The following LSAMP variants were observed in gnomAD, a reference collection of about 807,000 sequenced individuals.
The protein encoded by LSAMP is limbic system-associated membrane protein.
Under a neutral mutation model 38.6 loss-of-function variants are expected in LSAMP, and 7 were observed. The ratio of observed to expected loss-of-function variants is 0.18; its 90% CI spans 0.10 to 0.34. The LOEUF (loss-of-function observed/expected upper bound fraction) is 0.34. Among genes scored for constraint, LSAMP ranks in the 10% least tolerant of loss-of-function variants. LSAMP has a pLI of 1.00. For missense variants in LSAMP, 313 were observed against 420.0 expected, an observed-to-expected ratio of 0.75 and a Z score of 2.23; for synonymous variants, 154 against 166.8, an observed-to-expected ratio of 0.92 and a Z score of 0.59.
At chr3:116,152,455 G>A (rs1709634382) in intron 1 of LSAMP, among the ~76,000 whole-genome samples, 1 of 152,116 alleles carries the variant, frequency 6.6e-6, no homozygotes, top group Non-Finnish European at 1.5e-5. Flanking sequence ...TTCACTGCCT[G>A]TACTGTTAAT....
intron 1 of LSAMP, among the ~76,000 whole-genome samples, chr3:116,197,128 C>CGG (rs927846878): frequency 3.1e-5 from 4 of 130,026 alleles, no homozygotes; most frequent in African/African-American, 1.1e-4. Flanking sequence ...GTATCCCACT[C>CGG]GGACACACAC....
chr3:115,924,259 T>C (rs1226621664), intron 3 of LSAMP, among the ~76,000 whole-genome samples: 2 of 152,332 alleles, frequency 1.3e-5, no homozygotes, highest in South Asian at 2.1e-4. Flanking sequence ...CTAATTACCT[T>C]AGGCCTCTTC....
At chr3:116,388,441 T>C (rs576498065) in intron 1 of LSAMP, among the ~76,000 whole-genome samples, 1 of 152,170 alleles carries the variant, frequency 6.6e-6, no homozygotes, top group Non-Finnish European at 1.5e-5. Flanking sequence ...TACTCTGGAA[T>C]TGACTGGATC....
At chr3:115,938,447 C>T (rs866572549) in intron 3 of LSAMP, among the ~76,000 whole-genome samples, 2 of 152,072 alleles carry the variant, frequency 1.3e-5, no homozygotes, top group South Asian at 2.1e-4. Flanking sequence ...ATGAGTATCA[C>T]CTAAAGTATT....
chr3:116,382,473 G>A (rs890203887), intron 1 of LSAMP, among the ~76,000 whole-genome samples: 15 of 141,650 alleles, frequency 1.1e-4, no homozygotes, highest in South Asian at 2.4e-4. Context: ...TTGGACACAG[G>A]AAGGGGAACA....
intron 1 of LSAMP, among the ~76,000 whole-genome samples, chr3:116,399,977 CA>C (rs1169045299): frequency 6.6e-6 from 1 of 152,136 alleles, no homozygotes; most frequent in East Asian, 1.9e-4. Flanking sequence ...AGAAAAGTTG[CA>C]AAACTGATGT....
chr3:115,968,429 G>A (rs1414529778), intron 3 of LSAMP, among the ~76,000 whole-genome samples: 1 of 152,076 alleles, frequency 6.6e-6, no homozygotes, highest in Non-Finnish European at 1.5e-5. Context: ...GCTAGGACTG[G>A]GTCCTTTCCT....
intron 1 of LSAMP, among the ~76,000 whole-genome samples, chr3:116,313,992 GT>G (rs1559824551): frequency 1.3e-5 from 2 of 152,212 alleles, no homozygotes; most frequent in Admixed American, 1.3e-4. Flanking sequence ...GAAGTCTTGT[GT>G]GAAGCACTTT....
intron 3 of LSAMP, among the ~76,000 whole-genome samples, chr3:115,934,790 C>T (rs1937643485): frequency 6.6e-6 from 1 of 152,154 alleles, no homozygotes; most frequent in African/African-American, 2.4e-5. Flanking sequence ...TTCTGGGCCT[C>T]TGTGTCATTT....
intron 1 of LSAMP, among the ~76,000 whole-genome samples, chr3:116,252,335 CA>C (rs1256893910): frequency 1.3e-5 from 2 of 152,130 alleles, no homozygotes; most frequent in Non-Finnish European, 2.9e-5. Flanking sequence ...AATCTCACAC[CA>C]AAAAGAAAAC....
intron 3 of LSAMP, among the ~76,000 whole-genome samples, chr3:115,950,378 C>G (rs998719679): frequency 1.3e-5 from 2 of 152,060 alleles, no homozygotes; most frequent in Non-Finnish European, 1.5e-5. Flanking sequence ...TAAATGAATT[C>G]AGTAAAGTCT....
At chr3:116,346,327 C>CTTTTTTTTTT (rs11391341) in intron 1 of LSAMP, among the ~76,000 whole-genome samples, 1 of 142,274 alleles carries the variant, frequency 7.0e-6, no homozygotes. Context: ...TTAGTTTTAT[C>CTTTTTTTTTT]TTTTTTTTTT....
At chr3:115,937,330 A>G (rs1937737164) in intron 3 of LSAMP, among the ~76,000 whole-genome samples, 1 of 152,198 alleles carries the variant, frequency 6.6e-6, no homozygotes, top group African/African-American at 2.4e-5. Context: ...AAAAAATCAA[A>G]ACATGGTGGC....
chr3:116,057,982 G>C (rs930130509), intron 2 of LSAMP, among the ~76,000 whole-genome samples: 3 of 113,630 alleles, frequency 2.6e-5, no homozygotes, highest in Admixed American at 8.8e-5. Context: ...CACACACACA[G>C]AGTGAATGGT....
In LSAMP at chr3:116,310,689, A is replaced by T. The variant is rs539836917; in HGVS notation, c.155+134188T>A. The stretch of plus-strand genomic sequence containing the variant: ...CTCCCAACGAAAGAAAAATTTCTCA[A>T]GGCAATTGGGTTCCTAATAAATGAT... On this transcript the variant is annotated intron_variant, in intron 1 of 6. Transcript: ENST00000490035. Among the ~76,000 whole-genome samples, 81 of 152,250 alleles carry T rather than the reference A, an allele frequency of 5.3e-4. 1 individual carries two copies. The highest frequency in any genetic ancestry group is 1.0e-3 in the Non-Finnish European group (71 of 67,998).
At position 116,071,659 on chromosome 3, in the gene LSAMP, G is replaced by A. The variant is rs533018578; in HGVS notation, c.388+14665C>T. ...GTGCAGTTTTGTTACATAGGTAAAC[G>A]AGTGCCATGGTGATTTGCTGCACAG... On this transcript the variant is annotated intron_variant, in intron 2 of 6. Transcript: ENST00000490035. Among the ~76,000 whole-genome samples, 6 of 152,186 alleles carry A rather than the reference G, an allele frequency of 3.9e-5. No individual in the cohort carries two copies. The South Asian group carries it at 1.0e-3, about 26-fold the overall frequency.
In LSAMP at chr3:115,810,220, CAT is replaced by C; in HGVS notation, c.*95_*96del. ...AAGTTGTGAAATAAACGGTCTCCCC[CAT>C]CTCTCTCTCTCTCTCTCTCTCTGTC... On this transcript the variant is annotated 3_prime_UTR_variant, in exon 7 of 7. Coordinates refer to ENST00000490035, the MANE Select transcript of LSAMP (RefSeq NM_002338.5). The C allele has an allele frequency of 1.2e-5, 9 of 756,054 alleles. No homozygotes were observed. Among genetic ancestry groups the C allele is most frequent in the Non-Finnish European group, 1.9e-5 (9 of 470,482 alleles). The allele number at this position is 756,054 out of a possible 1,614,324, so 46.8% of individuals were successfully genotyped here.
intron 1 of LSAMP, among the ~76,000 whole-genome samples, chr3:116,296,067 A>G (rs1296492339): frequency 6.6e-6 from 1 of 152,232 alleles, no homozygotes; most frequent in Non-Finnish European, 1.5e-5. Context: ...CACCATAACC[A>G]ATTCATAGAT....
rs529083774 is a variant in LSAMP at position 116,203,184 on chromosome 3, G to A, written c.156-116628C>T. 9.2e-5 allele frequency among the ~76,000 whole-genome samples: 14 copies of A among 152,146 alleles called. 1 individual carries two copies. The highest frequency in any genetic ancestry group is 6.2e-4 in the South Asian group (3 of 4,824). On this transcript the variant is annotated intron_variant, in intron 1 of 6. Transcript: ENST00000490035. ...AGCAGCATGTTGTCATATTGAGCAC[G>A]TTTGTCTTATTCCTGATACGCAAGG... is the stretch of plus-strand genomic sequence containing the variant.
Sources: allele counts gnomAD v4.1 joint callset (sites outside exome capture counted in the v4.1 genomes callset), GRCh38; gene constraint gnomAD v4.1.1; transcripts MANE v1.5; gene names NCBI Gene and HGNC (gene_info 2026-07-23, HGNC 2026-07-21).